Variants in ADRA1A observed in about 807,000 individuals in gnomAD.
The protein encoded by ADRA1A is alpha-1A adrenergic receptor.
Under a neutral mutation model 29.6 loss-of-function variants are expected in ADRA1A, and 31 were observed. That is an observed-to-expected ratio of 1.05 (90% CI 0.79 to 1.41). The LOEUF (loss-of-function observed/expected upper bound fraction) is 1.41, where lower values mean the gene tolerates loss of function less well. Ranked by LOEUF, ADRA1A falls within the 40% of genes most tolerant of loss-of-function variation. The probability of loss-of-function intolerance (pLI) is 0.00; values close to 1 mark genes in which losing one functional copy is unlikely to be tolerated. For missense variants in ADRA1A, 619 were observed against 601.1 expected (o/e 1.03, Z -0.31); for synonymous variants, 311 against 254.3 (o/e 1.22, Z -2.12).
At chr8:26,829,624 C>A (rs1040272666) in intron 2 of ADRA1A, among the ~76,000 whole-genome samples, 1 of 152,084 alleles carries the variant, frequency 6.6e-6, no homozygotes, top group Non-Finnish European at 1.5e-5. Flanking sequence ...TGATAACATG[C>A]TTAATCACCT....
At chr8:26,800,047 T>A (rs532516229) in intron 2 of ADRA1A, among the ~76,000 whole-genome samples, 1 of 152,016 alleles carries the variant, frequency 6.6e-6, no homozygotes, top group Admixed American at 6.6e-5. Flanking sequence ...TCACTTGAGG[T>A]CAGGAGTTTG....
At chr8:26,759,669 A>G (rs1054764427) in intron 2 of ADRA1A, among the ~76,000 whole-genome samples, 1 of 152,186 alleles carries the variant, frequency 6.6e-6, no homozygotes, top group African/African-American at 2.4e-5. Context: ...CTTTTGATTA[A>G]TGGGCCACAG....
rs183625193 is a variant in ADRA1A, at chr8:26,825,041, A to G, written c.883+39046T>C. ...CAGATCTGCAGTGTGGAATTGAGTT[A>G]CCAGTGGAGCAACATGCCAGCTTCC... On this transcript the variant is annotated intron_variant, in intron 2 of 2. Coordinates refer to ENST00000380573, the MANE Select transcript of ADRA1A (RefSeq NM_000680.4). The surrounding 1 kb of genome is among the most constrained non-coding windows in gnomAD (Gnocchi z 5.7). 1.6e-4 allele frequency among the ~76,000 whole-genome samples: 25 copies of G among 152,170 alleles called. No individual in the cohort carries two copies. The East Asian group carries it at 2.5e-3, about 15-fold the overall frequency.
chr8:26,833,326 G>C (rs2130659454), intron 2 of ADRA1A, among the ~76,000 whole-genome samples: 1 of 152,238 alleles, frequency 6.6e-6, no homozygotes, highest in East Asian at 1.9e-4. Context: ...TGAGAACTCT[G>C]ACTGCCTTCT....
intron 2 of ADRA1A, among the ~76,000 whole-genome samples, chr8:26,838,746 G>GA (rs1404017232): frequency 2.0e-5 from 3 of 152,352 alleles, no homozygotes; most frequent in African/African-American, 7.2e-5. Context: ...AGTGGTAGAA[G>GA]ATAAAGGTAC....
At chr8:26,853,694 T>A (rs902170975) in intron 2 of ADRA1A, 1 of 152,218 alleles carries the variant, frequency 6.6e-6, no homozygotes, top group Non-Finnish European at 1.5e-5. Flanking sequence ...TGAGGCATAA[T>A]CTACCAAAAT....
chr8:26,854,652 A>G (rs1367579818), intron 2 of ADRA1A: 1 of 152,286 alleles, frequency 6.6e-6, no homozygotes, highest in African/African-American at 2.4e-5. Flanking sequence ...CTGCAGGGAC[A>G]AAGTGACTCC....
In ADRA1A at chr8:26,864,307, G is replaced by A. The variant is rs372451714; in HGVS notation, c.663C>T (p.Gly221=). ...CCGAGTCCGACTTGTCGGTCTTGAG[G>A]CCAGACTTGAGGCCCCGGCTCTCCC... The part of the protein sequence containing the change: ...AKRESRGLKS[G]LKTDKSDSEQ... The change falls in exon 2 of 3, where the codon GGC becomes GGT. Residue 221 remains glycine (G), a synonymous_variant. Transcript: ENST00000380573. The surrounding 1 kb of genome is among the most constrained non-coding windows in gnomAD (Gnocchi z 8.1). 2.4e-5 allele frequency: 39 copies of A among 1,613,944 alleles called. No homozygotes were observed. The highest frequency in any genetic ancestry group is 2.7e-5 in the Non-Finnish European group (32 of 1,180,008).
chr8:26,795,375 A>G (rs951182041), intron 2 of ADRA1A, among the ~76,000 whole-genome samples: 19 of 152,316 alleles, frequency 1.2e-4, no homozygotes, highest in Middle Eastern at 6.8e-3. Context: ...CTGGGGGAAA[A>G]TAAACCTTTA....
downstream of ADRA1A, among the ~76,000 whole-genome samples, chr8:26,755,771 C>G (rs988577463): frequency 2.6e-5 from 4 of 152,138 alleles, no homozygotes; most frequent in African/African-American, 9.7e-5. Context: ...TTCTCCACCC[C>G]CTGGACTTGG....
At position 26,864,970 on chromosome 8, in the gene ADRA1A, G is replaced by T. The variant is rs1163810974; in HGVS notation, c.-1C>A. 1 of 1,593,058 alleles carries T rather than the reference G, an allele frequency of 6.3e-7. No homozygotes were observed. The highest frequency in any genetic ancestry group is 8.5e-7 in the Non-Finnish European group (1 of 1,171,956). On this transcript the variant is annotated 5_prime_UTR_variant, in exon 2 of 3. Transcript: ENST00000380573. This position sits in a 1 kb window ranked among gnomAD's most constrained non-coding sequence, Gnocchi z 8.1. The stretch of plus-strand genomic sequence containing the variant: ...AAGCATTTCCCGAGAGAAACACCAT[G>T]GTCCCAGCCGGGGCCGGGCGAGGTC...
intron 2 of ADRA1A, among the ~76,000 whole-genome samples, chr8:26,810,077 A>G (rs1044735626): frequency 6.6e-6 from 1 of 152,152 alleles, no homozygotes; most frequent in African/African-American, 2.4e-5. Flanking sequence ...CTTTTAACTG[A>G]GCTCCACTGG....
rs1344821349 is a variant in ADRA1A at position 26,864,174 on chromosome 8, G to A, written c.796C>T (p.Arg266Trp). The change falls in exon 2 of 3, where the codon CGG (arginine) becomes TGG (tryptophan). Residue 266 changes from arginine to tryptophan, a missense_variant. Transcript: ENST00000380573. This position sits in a 1 kb window ranked among gnomAD's most constrained non-coding sequence, Gnocchi z 8.1. ...HFSVRLLKFSREKKAAKTLGI... is the reference protein window; with the variant it reads ...HFSVRLLKFSWEKKAAKTLGI... ...AGCGTTTTGGCCGCTTTCTTCTCCC[G>A]GGAGAACTTGAGGAGCCTCACTGAG... 8 of 1,614,032 alleles carry A rather than the reference G, an allele frequency of 5.0e-6. No homozygotes were observed. The highest frequency in any genetic ancestry group is 1.6e-4 in the Middle Eastern group (1 of 6,082).
Position 26,796,252 on chromosome 8 carries a change from C to T in ADRA1A, c.884-25586G>A, listed in dbSNP as rs1421951044. 6.6e-6 allele frequency among the ~76,000 whole-genome samples: 1 copy of T among 152,080 alleles called. No individual in the cohort carries two copies. Among genetic ancestry groups the T allele is most frequent in the Non-Finnish European group, 1.5e-5 (1 of 67,990 alleles). The stretch of plus-strand genomic sequence containing the variant: ...CATCAGCTTCATTACATGATTGTCT[C>T]TACTTTTGTATGCATTTGATAATAT... On this transcript the variant is annotated intron_variant, in intron 2 of 2. Coordinates refer to ENST00000380573, the MANE Select transcript of ADRA1A (RefSeq NM_000680.4). This position sits in a 1 kb window ranked among gnomAD's most constrained non-coding sequence, Gnocchi z 5.0.
intron 2 of ADRA1A, among the ~76,000 whole-genome samples, chr8:26,852,153 G>T (rs1812684659): frequency 6.6e-6 from 1 of 152,112 alleles, no homozygotes; most frequent in South Asian, 2.1e-4. Context: ...ATCCTTTCCT[G>T]TCTACACAGG....
rs1046472185 is a variant in ADRA1A at position 26,769,712 on chromosome 8, G to T, written c.*437C>A. 40 of 988,350 alleles carry T rather than the reference G, an allele frequency of 4.0e-5. No individual in the cohort carries two copies. In the African/African-American group the frequency reaches 7.0e-4, roughly 17 times the overall value. 61.2% of individuals were successfully genotyped at this position (988,350 alleles called of 1,614,324 possible). ...CTCTCTAGGCCCTCTCCCCATAAAT[G>T]TCAAATGTGGCTGTCAGTAGGTTGA... On this transcript the variant is annotated 3_prime_UTR_variant, in exon 3 of 3. Coordinates refer to ENST00000380573, the MANE Select transcript of ADRA1A (RefSeq NM_000680.4).
intron 2 of ADRA1A, among the ~76,000 whole-genome samples, chr8:26,856,797 A>G (rs959348767): frequency 6.6e-6 from 1 of 152,224 alleles, no homozygotes; most frequent in African/African-American, 2.4e-5. Flanking sequence ...TAGTGTGGCT[A>G]TCTGATTAAT....
chr8:26,788,604 AC>A (rs1807580985), intron 2 of ADRA1A, among the ~76,000 whole-genome samples: 1 of 152,134 alleles, frequency 6.6e-6, no homozygotes, highest in Non-Finnish European at 1.5e-5. Context: ...TTCATGCACC[AC>A]CTCATCTCCT....
At chr8:26,786,482 G>A (rs1432516565) in intron 2 of ADRA1A, among the ~76,000 whole-genome samples, 1 of 151,778 alleles carries the variant, frequency 6.6e-6, no homozygotes, top group Non-Finnish European at 1.5e-5. Context: ...ACTCCATTGA[G>A]TACATCTCCT....
Sources: gnomAD v4.1 joint callset for allele counts (sites outside exome capture counted in the v4.1 genomes callset) on GRCh38, gnomAD v4.1.1 for gene constraint, Gnocchi (gnomAD v3.1) non-coding constraint, MANE v1.5 for transcripts, NCBI Gene and HGNC (gene_info 2026-07-23, HGNC 2026-07-21) for gene names.